ADAM22: variants seen among roughly 807,000 people sequenced by gnomAD.
ADAM22 encodes disintegrin and metalloproteinase domain-containing protein 22.
ADAM22 carries 65 observed loss-of-function variants against 144.6 expected under a neutral mutation model. That is an observed-to-expected ratio of 0.45 (90% CI 0.37 to 0.55). ADAM22 has a LOEUF of 0.55. Ranked by LOEUF, ADAM22 falls within the 20% of genes least tolerant of loss-of-function variation. ADAM22 has a pLI of 0.00. For synonymous variants in ADAM22, 391 were observed against 412.6 expected (o/e 0.95, Z 0.63); for missense variants, 974 against 1,184.9 (o/e 0.82, Z 2.61).
intron 3 of ADAM22, among the ~76,000 whole-genome samples, chr7:88,038,403 C>T (rs1352516663): frequency 5.3e-5 from 8 of 150,680 alleles, no homozygotes; most frequent in East Asian, 1.9e-4. Context: ...AATATAAGCA[C>T]GCTCTAAAAA....
At chr7:87,944,043 A>G (rs1014807601) in intron 2 of ADAM22, among the ~76,000 whole-genome samples, 3 of 151,634 alleles carry the variant, frequency 2.0e-5, no homozygotes, top group Non-Finnish European at 4.4e-5. Context: ...CTGAGGCAGA[A>G]CTCCTGGTTG....
intron 29 of ADAM22, among the ~76,000 whole-genome samples, chr7:88,182,414 T>C (rs1395569379): frequency 6.6e-6 from 1 of 152,100 alleles, no homozygotes; most frequent in East Asian, 1.9e-4. Context: ...CGGGGAAAAA[T>C]TCCCATTGTA....
At chr7:88,070,251 T>C (rs1291453669) in intron 3 of ADAM22, among the ~76,000 whole-genome samples, 1 of 152,186 alleles carries the variant, frequency 6.6e-6, no homozygotes, top group East Asian at 1.9e-4. Context: ...GACAATGCAC[T>C]GAAGATCCAT....
At chr7:87,956,316 C>T (rs376060278) in intron 2 of ADAM22, among the ~76,000 whole-genome samples, 1 of 152,144 alleles carries the variant, frequency 6.6e-6, no homozygotes, top group Non-Finnish European at 1.5e-5. Flanking sequence ...AAAGTGAGGA[C>T]TTGTGGTGGA....
chr7:88,163,217 T>TATCACAGAA, intron 23 of ADAM22, 37 bp downstream of exon 23: 1 of 1,516,730 alleles, frequency 6.6e-7, no homozygotes, highest in Non-Finnish European at 8.8e-7. Flanking sequence ...CTATTTCTTT[T>TATCACAGAA]ATATCACAGA....
chr7:87,945,364 T>C (rs998204240), intron 2 of ADAM22, among the ~76,000 whole-genome samples: 1 of 152,162 alleles, frequency 6.6e-6, no homozygotes, highest in African/African-American at 2.4e-5. Context: ...TGGTATTAGC[T>C]GCAGCTTACA....
chr7:88,186,089 A>G (rs1848237476), intron 29 of ADAM22: 1 of 155,990 alleles, frequency 6.4e-6, no homozygotes, highest in African/African-American at 2.4e-5. Flanking sequence ...TGTTGACTCC[A>G]GCTTGAGACC....
rs976243951 is a variant in ADAM22, at chr7:87,934,323, A to G, written c.-143A>G. 5.9e-6 allele frequency: 4 copies of G among 677,944 alleles called. No individual in the cohort carries two copies. The highest frequency in any genetic ancestry group is 9.4e-6 in the Non-Finnish European group (4 of 426,924). 42.0% of individuals were successfully genotyped at this position (677,944 alleles called of 1,614,324 possible). A position where few individuals can be genotyped will look rare whatever the true frequency, so the allele number is the denominator to read the frequency against. On this transcript the variant is annotated 5_prime_UTR_variant, in exon 1 of 32. Transcript: ENST00000413139. ...AGCACTGAGCCGCGGTGGAGGTTGC[A>G]GCGCCACGGCCGCCGCAGCACCGGC... is the stretch of plus-strand genomic sequence containing the variant.
At chr7:87,961,708 C>T (rs1283465190) in intron 2 of ADAM22, among the ~76,000 whole-genome samples, 1 of 152,182 alleles carries the variant, frequency 6.6e-6, no homozygotes, top group African/African-American at 2.4e-5. Flanking sequence ...ATGAGCAGCA[C>T]ACTTCCAAGC....
intron 5 of ADAM22, among the ~76,000 whole-genome samples, 158 bp downstream of exon 5, chr7:88,108,416 C>T (rs1446745519): frequency 4.6e-5 from 7 of 150,956 alleles, no homozygotes; most frequent in Non-Finnish European, 8.8e-5. Flanking sequence ...TTTTATAAAC[C>T]AAGCAGATTT....
chr7:87,949,572 G>C (rs535871986), intron 2 of ADAM22, among the ~76,000 whole-genome samples: 1 of 152,282 alleles, frequency 6.6e-6, no homozygotes, highest in East Asian at 1.9e-4. Context: ...TTCTGAGAGA[G>C]TGACATCTAC....
intron 3 of ADAM22, among the ~76,000 whole-genome samples, chr7:88,007,920 G>A (rs966587587): frequency 2.0e-5 from 3 of 152,152 alleles, no homozygotes; most frequent in Non-Finnish European, 4.4e-5. Flanking sequence ...AAACTAAAGA[G>A]CTTCTGCACA....
chr7:88,011,514 T>A (rs529528450), intron 3 of ADAM22, among the ~76,000 whole-genome samples: 131 of 148,164 alleles, frequency 8.8e-4, no homozygotes, highest in African/African-American at 3.0e-3. Context: ...CACTCCAGCC[T>A]GGGTGACAGA....
intron 2 of ADAM22, among the ~76,000 whole-genome samples, chr7:87,962,592 C>T (rs1490330703): frequency 6.6e-6 from 1 of 151,698 alleles, no homozygotes; most frequent in Non-Finnish European, 1.5e-5. Context: ...ATATGCCTAA[C>T]GTTTATGGAG....
intron 3 of ADAM22, among the ~76,000 whole-genome samples, chr7:88,069,203 C>T (rs1334487252): frequency 6.6e-6 from 1 of 151,888 alleles, no homozygotes; most frequent in Non-Finnish European, 1.5e-5. Context: ...TCTCCTTCCT[C>T]CCTATGTTTC....
Position 88,116,765 on chromosome 7 carries a change from A to G in ADAM22, c.558A>G (p.Ser186=). 1.2e-6 allele frequency: 2 copies of G among 1,613,494 alleles called. No homozygotes were observed. The highest frequency in any genetic ancestry group is 1.7e-6 in the Non-Finnish European group (2 of 1,179,574). Residue 186 remains serine (S), a synonymous_variant, in exon 7 of 32, where the codon TCA becomes TCG. Transcript: ENST00000413139. ...DTTQEDFHFH[S]VYKSRLFEFS... is the part of the protein sequence containing the mutation. ...TTCAGGAGGATTTCCATTTTCATTC[A>G]GTTTACAAATCCAGACTGTTTGAAT...
chr7:88,071,290 A>AGATATGAGATGGTGAATAGGGTAT (rs2129478841), intron 3 of ADAM22, among the ~76,000 whole-genome samples: 1 of 152,032 alleles, frequency 6.6e-6, no homozygotes, highest in African/African-American at 2.4e-5. Flanking sequence ...AAAGATGAAT[A>AGATATGAGATGGTGAATAGGGTAT]GATATGAGAT....
chr7:88,167,313 C>A (rs1843176423), intron 24 of ADAM22, among the ~76,000 whole-genome samples: 3 of 152,100 alleles, frequency 2.0e-5, no homozygotes, highest in African/African-American at 7.2e-5. Flanking sequence ...TGCCTTTGAG[C>A]CCTCATTTGA....
chr7:88,191,902 T>C (rs1158964226), intron 30 of ADAM22, among the ~76,000 whole-genome samples: 1 of 152,184 alleles, frequency 6.6e-6, no homozygotes, highest in Non-Finnish European at 1.5e-5. Context: ...GTGGGAAAAA[T>C]TATTTTCAAA....
Sources: gnomAD v4.1 joint callset for allele counts (sites outside exome capture counted in the v4.1 genomes callset) on GRCh38, gnomAD v4.1.1 for gene constraint, MANE v1.5 for transcripts, NCBI Gene and HGNC (gene_info 2026-07-23, HGNC 2026-07-21) for gene names.